CNTN4: variants seen among roughly 807,000 people sequenced by gnomAD.
CNTN4 encodes the protein contactin-4.
In CNTN4, 77 loss-of-function variants were observed where a neutral mutation model predicts 122.5. The observed-to-expected ratio is 0.63, with a 90% confidence interval of 0.52 to 0.76. The LOEUF (loss-of-function observed/expected upper bound fraction) is 0.76, where lower values mean the gene tolerates loss of function less well. Ranked by LOEUF, CNTN4 falls within the 30% of genes least tolerant of loss-of-function variation. The pLI is 0.00. For missense variants in CNTN4, 1,256 were observed against 1,259.1 expected, an observed-to-expected ratio of 1.00 and a Z score of 0.04; for synonymous variants, 512 against 447.0, an observed-to-expected ratio of 1.15 and a Z score of -1.83.
At chr3:2,282,492 C>T (rs567844634) in intron 2 of CNTN4, among the ~76,000 whole-genome samples, 1 of 152,044 alleles carries the variant, frequency 6.6e-6, no homozygotes, top group Non-Finnish European at 1.5e-5. Context: ...AGTATATGGC[C>T]TCATTCTTCC....
chr3:2,999,062 T>C (rs1695796904), intron 14 of CNTN4: 1 of 152,266 alleles, frequency 6.6e-6, no homozygotes, highest in Non-Finnish European at 1.5e-5. Context: ...ACATCCAGGC[T>C]GTATTCAATC....
At chr3:2,987,241 C>G (rs62234365) in intron 13 of CNTN4, among the ~76,000 whole-genome samples, 2 of 152,124 alleles carry the variant, frequency 1.3e-5, no homozygotes, top group Non-Finnish European at 2.9e-5. Context: ...AAACAGTAAG[C>G]AAGAGAGGCT....
In CNTN4 at chr3:3,042,994, T is replaced by A; in HGVS notation, c.2529T>A (p.His843Gln). The change falls in exon 22 of 25, where the codon CAT becomes CAA. Residue 843 changes from histidine to glutamine, a missense_variant. Physicochemically the swap from His to Gln is conservative, Grantham distance 24 (BLOSUM62 0). Coordinates refer to ENST00000418658, the MANE Select transcript of CNTN4 (RefSeq NM_175607.3). The stretch of plus-strand genomic sequence containing the variant: ...CTTCTTAGGTTAAATATTGGAGACA[T>A]GAAGACAAAGAAGAAAATGCTAGAA... ...IQGYEVKYWR[H>Q]EDKEENARKI... The A allele has an allele frequency of 6.2e-7, 1 of 1,613,882 alleles. No individual in the cohort carries two copies. The highest frequency in any genetic ancestry group is 8.5e-7 in the Non-Finnish European group (1 of 1,179,820).
chr3:2,231,044 T>A (rs567329059), intron 2 of CNTN4, among the ~76,000 whole-genome samples: 4 of 152,288 alleles, frequency 2.6e-5, no homozygotes, highest in Admixed American at 2.0e-4. Context: ...TAATTTAAAC[T>A]TTTTTGGTAT....
At chr3:2,597,821 G>C (rs917560795) in intron 4 of CNTN4, among the ~76,000 whole-genome samples, 3 of 152,162 alleles carry the variant, frequency 2.0e-5, no homozygotes, top group Admixed American at 6.5e-5. Flanking sequence ...GCCTATGTTT[G>C]TTCCCATCTA....
chr3:2,666,637 A>C (rs923047408), intron 4 of CNTN4, among the ~76,000 whole-genome samples: 2 of 152,066 alleles, frequency 1.3e-5, no homozygotes, highest in African/African-American at 4.8e-5. Context: ...GTACATGTGC[A>C]CAACGTGCAG....
intron 7 of CNTN4, among the ~76,000 whole-genome samples, chr3:2,829,103 T>C (rs1240461739): frequency 2.0e-5 from 3 of 152,228 alleles, no homozygotes; most frequent in Non-Finnish European, 4.4e-5. Context: ...TTGAAAGATA[T>C]GAACTTGGAC....
chr3:2,492,270 A>T (rs772364340), intron 3 of CNTN4, among the ~76,000 whole-genome samples: 1 of 152,128 alleles, frequency 6.6e-6, no homozygotes, highest in Non-Finnish European at 1.5e-5. Context: ...CGCCTGTTTT[A>T]TAGCATTTGT....
chr3:2,124,408 C>T (rs1276592529), intron 2 of CNTN4, among the ~76,000 whole-genome samples: 1 of 140,980 alleles, frequency 7.1e-6, no homozygotes, highest in East Asian at 2.2e-4. Flanking sequence ...TTTTTAAAAG[C>T]CTTTGTCTGC....
chr3:2,384,098 A>G lies in CNTN4; in HGVS notation c.-89+44865A>G, dbSNP rs542450817. 3.7e-3 allele frequency among the ~76,000 whole-genome samples: 559 copies of G among 152,280 alleles called. 7 individuals carry two copies. Among genetic ancestry groups the G allele is most frequent in the Non-Finnish European group, 1.8e-3 (125 of 68,022 alleles). On this transcript the variant is annotated intron_variant, in intron 3 of 24. Transcript: ENST00000418658. Reference sequence around the variant, plus strand: ...AGAATAAGATTAGGGCCTACTTTATACGGTTGTTGGGTGAATCAAATAAGC... The same window carrying G: ...AGAATAAGATTAGGGCCTACTTTATGCGGTTGTTGGGTGAATCAAATAAGC...
intron 3 of CNTN4, among the ~76,000 whole-genome samples, chr3:2,434,921 C>A (rs972766938): frequency 6.6e-6 from 1 of 152,128 alleles, no homozygotes; most frequent in African/African-American, 2.4e-5. Context: ...CATTTAAAGT[C>A]GTCATTATTT....
rs78359617 is a variant in CNTN4, at chr3:2,809,228, C to T, written c.359-10258C>T. Among the ~76,000 whole-genome samples the T allele has an allele frequency of 2.1e-3, 314 of 152,236 alleles. 1 individual carries two copies. The highest frequency in any genetic ancestry group is 7.3e-3 in the African/African-American group (302 of 41,534). ...ACAGAGAGTAACTGGAGTCAGGTCA[C>T]GGTTGACTTTACTTAAGCCCTCAGG... On this transcript the variant is annotated intron_variant, in intron 6 of 24. Coordinates refer to ENST00000418658, the MANE Select transcript of CNTN4 (RefSeq NM_175607.3).
At chr3:3,022,513 T>C (rs931841347) in intron 14 of CNTN4, among the ~76,000 whole-genome samples, 3 of 152,336 alleles carry the variant, frequency 2.0e-5, no homozygotes, top group Admixed American at 6.5e-5. Flanking sequence ...AGAAAGTCTT[T>C]CCACCAGCAG....
At chr3:2,964,073 G>A (rs938029110) in intron 13 of CNTN4, among the ~76,000 whole-genome samples, 14 of 152,148 alleles carry the variant, frequency 9.2e-5, no homozygotes, top group South Asian at 2.1e-4. Flanking sequence ...TTTCATGAAT[G>A]CAATACCATA....
chr3:2,444,922 T>C (rs978880769), intron 3 of CNTN4, among the ~76,000 whole-genome samples: 1 of 152,072 alleles, frequency 6.6e-6, no homozygotes, highest in Non-Finnish European at 1.5e-5. Flanking sequence ...GTTTACTATT[T>C]ATTATCACTA....
At chr3:2,339,771 T>C (rs1166315172) in intron 3 of CNTN4, among the ~76,000 whole-genome samples, 1 of 152,228 alleles carries the variant, frequency 6.6e-6, no homozygotes, top group Non-Finnish European at 1.5e-5. Context: ...TTTACTTTCC[T>C]GATGCTGATC....
At chr3:2,650,767 G>A (rs943805033) in intron 4 of CNTN4, among the ~76,000 whole-genome samples, 1 of 152,158 alleles carries the variant, frequency 6.6e-6, no homozygotes, top group African/African-American at 2.4e-5. Context: ...TATGTACATT[G>A]TGTTTTTTAG....
chr3:2,192,178 C>T (rs1482849813), intron 2 of CNTN4, among the ~76,000 whole-genome samples: 1 of 152,070 alleles, frequency 6.6e-6, no homozygotes, highest in Non-Finnish European at 1.5e-5. Context: ...TGAATAGTGC[C>T]ACAGTAAACA....
chr3:2,934,609 GTC>G (rs1157398080), intron 13 of CNTN4, among the ~76,000 whole-genome samples: 3 of 152,238 alleles, frequency 2.0e-5, no homozygotes, highest in African/African-American at 7.2e-5. Context: ...CAGGCATTCT[GTC>G]TCTGTTCTGG....
Sources: gnomAD v4.1 joint callset for allele counts (sites outside exome capture counted in the v4.1 genomes callset) on GRCh38, gnomAD v4.1.1 for gene constraint, MANE v1.5 for transcripts, NCBI Gene and HGNC (gene_info 2026-07-23, HGNC 2026-07-21) for gene names.